RIT2: variants seen among roughly 807,000 people sequenced by gnomAD.
RIT2 encodes the protein GTP-binding protein Rit2.
A neutral mutation model predicts 23.7 loss-of-function variants in RIT2; 24 were observed. That is an observed-to-expected ratio of 1.01 (90% CI 0.73 to 1.43). The LOEUF (loss-of-function observed/expected upper bound fraction) is 1.43. RIT2 is among the 40% of genes most tolerant of loss of function. The pLI, the probability that RIT2 is intolerant of heterozygous loss-of-function variation, is 0.00. For synonymous variants in RIT2, 107 were observed against 91.1 expected, an observed-to-expected ratio of 1.17 and a Z score of -0.99; for missense variants, 236 against 266.9, an observed-to-expected ratio of 0.88 and a Z score of 0.81.
chr18:42,907,469 T>C (rs1001744594), intron 4 of RIT2, among the ~76,000 whole-genome samples: 3 of 152,128 alleles, frequency 2.0e-5, no homozygotes, highest in Non-Finnish European at 2.9e-5. Flanking sequence ...TTTTTACACA[T>C]GCATTTGGAG....
intron 1 of RIT2, among the ~76,000 whole-genome samples, chr18:43,045,288 T>C (rs779775541): frequency 3.2e-4 from 49 of 152,168 alleles, no homozygotes; most frequent in Non-Finnish European, 1.2e-4. Context: ...TTCCAAAGCA[T>C]TCAGATTTTA....
intron 1 of RIT2, among the ~76,000 whole-genome samples, chr18:43,034,284 G>C (rs1051912419): frequency 2.0e-5 from 3 of 152,072 alleles, no homozygotes; most frequent in Admixed American, 2.0e-4. Flanking sequence ...AAAGTGAATA[G>C]ATACCCTCTG....
At chr18:42,877,535 T>TATATATAC (rs1232895170) in intron 4 of RIT2, among the ~76,000 whole-genome samples, 1 of 149,860 alleles carries the variant, frequency 6.7e-6, no homozygotes, top group Non-Finnish European at 1.5e-5. Flanking sequence ...TATATATATA[T>TATATATAC]ATATATGCAT....
intron 2 of RIT2, among the ~76,000 whole-genome samples, chr18:42,994,553 A>G (rs570663616): frequency 6.6e-6 from 1 of 152,238 alleles, no homozygotes; most frequent in South Asian, 2.1e-4. Context: ...TTCCTCGAAG[A>G]CAGCTTTAGA....
At chr18:42,760,895 G>T (rs1035202977) in intron 4 of RIT2, among the ~76,000 whole-genome samples, 9 of 152,086 alleles carry the variant, frequency 5.9e-5, no homozygotes, top group African/African-American at 2.2e-4. Flanking sequence ...ACCATGAGAG[G>T]GTAAGGTTGG....
intron 4 of RIT2, among the ~76,000 whole-genome samples, chr18:42,840,855 T>C (rs903591691): frequency 6.6e-6 from 1 of 152,208 alleles, no homozygotes; most frequent in African/African-American, 2.4e-5. Flanking sequence ...GGGGTATCTA[T>C]GGCTTAAAGA....
intron 4 of RIT2, among the ~76,000 whole-genome samples, chr18:42,819,493 T>G (rs1457290123): frequency 6.6e-6 from 1 of 152,070 alleles, no homozygotes; most frequent in Non-Finnish European, 1.5e-5. Context: ...CAAGCTTGAC[T>G]GTGTCTTGGT....
chr18:43,068,966 C>T (rs1344282370), intron 1 of RIT2, among the ~76,000 whole-genome samples: 1 of 152,002 alleles, frequency 6.6e-6, no homozygotes, highest in Non-Finnish European at 1.5e-5. Flanking sequence ...GGGCTGCATT[C>T]CCAGGAAGTT....
At chr18:42,868,304 C>T (rs188478565) in intron 4 of RIT2, among the ~76,000 whole-genome samples, 174 of 152,230 alleles carry the variant, frequency 1.1e-3, no homozygotes, top group Middle Eastern at 3.4e-3. Flanking sequence ...CTCATAATTG[C>T]TCCTTAGTTT....
At chr18:43,079,520 T>G (rs1284484572) in intron 1 of RIT2, among the ~76,000 whole-genome samples, 1 of 152,164 alleles carries the variant, frequency 6.6e-6, no homozygotes, top group African/African-American at 2.4e-5. Context: ...ATAGGACTAG[T>G]GTATTCCCCA....
chr18:42,760,597 G>C (rs577219824), intron 4 of RIT2, among the ~76,000 whole-genome samples: 2 of 152,282 alleles, frequency 1.3e-5, no homozygotes, highest in African/African-American at 2.4e-5. Flanking sequence ...TTAAGAGGAT[G>C]GTTGCTGAAA....
At chr18:43,067,906 G>T (rs67076962) in intron 1 of RIT2, among the ~76,000 whole-genome samples, 2 of 151,952 alleles carry the variant, frequency 1.3e-5, no homozygotes, top group Admixed American at 1.3e-4. Context: ...TGGAAAGGAG[G>T]GGGGCTGGAA....
chr18:42,913,513 C>G (rs1908825814), intron 4 of RIT2, among the ~76,000 whole-genome samples: 1 of 151,604 alleles, frequency 6.6e-6, no homozygotes, highest in Admixed American at 6.6e-5. Flanking sequence ...GCAAAGAACT[C>G]TCATAACTTA....
intron 4 of RIT2, among the ~76,000 whole-genome samples, chr18:42,861,428 T>C (rs1907324680): frequency 1.3e-5 from 2 of 152,224 alleles, no homozygotes; most frequent in African/African-American, 4.8e-5. Context: ...GACTGCCAGA[T>C]GACTCAACTT....
chr18:42,830,667 T>A (rs189908914), intron 4 of RIT2, among the ~76,000 whole-genome samples: 122 of 152,296 alleles, frequency 8.0e-4, no homozygotes, highest in South Asian at 1.7e-3. Flanking sequence ...CAAATGAGAC[T>A]AGAACTCAGA....
At chr18:42,845,697 A>G (rs186566679) in intron 4 of RIT2, among the ~76,000 whole-genome samples, 301 of 150,782 alleles carry the variant, frequency 2.0e-3, no homozygotes, top group African/African-American at 6.7e-3. Context: ...TAGAAATTAT[A>G]GAGTATATTG....
At chr18:42,992,670 C>G (rs1347335616) in intron 2 of RIT2, among the ~76,000 whole-genome samples, 2 of 152,196 alleles carry the variant, frequency 1.3e-5, no homozygotes, top group African/African-American at 4.8e-5. Flanking sequence ...AGCTTTCCCC[C>G]ACCTGCCCAG....
intron 1 of RIT2, among the ~76,000 whole-genome samples, chr18:43,079,935 A>G (rs1424805759): frequency 3.3e-5 from 5 of 152,214 alleles, no homozygotes; most frequent in African/African-American, 1.2e-4. Flanking sequence ...TTCTGCCACA[A>G]AATCTGCAAA....
rs144547592 is a variant in RIT2 at position 42,896,154 on chromosome 18, C to T, written c.426+27418G>A. The stretch of plus-strand genomic sequence containing the variant: ...TGGCAAGCGCCTGTAATCCCAGCTA[C>T]TGGGGAGGCTGAGGCAAGAGAATCA... On this transcript the variant is annotated intron_variant, in intron 4 of 4. Coordinates refer to ENST00000326695, the MANE Select transcript of RIT2 (RefSeq NM_002930.4). Among the ~76,000 whole-genome samples, 763 of 152,282 alleles carry T rather than the reference C, an allele frequency of 5.0e-3. 6 individuals are homozygous for T. The highest frequency in any genetic ancestry group is 0.017 in the African/African-American group (716 of 41,542).
Sources: allele counts gnomAD v4.1 joint callset (sites outside exome capture counted in the v4.1 genomes callset), GRCh38; gene constraint gnomAD v4.1.1; transcripts MANE v1.5; gene names NCBI Gene and HGNC (gene_info 2026-07-23, HGNC 2026-07-21).